MAGI1: variants seen among roughly 807,000 people sequenced by gnomAD.
MAGI1 encodes membrane associated guanylate kinase, WW and PDZ domain containing 1.
Under a neutral mutation model 139.9 loss-of-function variants are expected in MAGI1, and 58 were observed. The observed-to-expected ratio is 0.41, with a 90% CI of 0.34 to 0.52. The LOEUF (loss-of-function observed/expected upper bound fraction) is 0.52. Ranked by LOEUF, MAGI1 falls within the 20% of genes least tolerant of loss-of-function variation. The pLI is 0.12. For missense variants in MAGI1, 1,874 were observed against 1,901.6 expected, an observed-to-expected ratio of 0.99 and a Z score of 0.27; for synonymous variants, 812 against 737.9, an observed-to-expected ratio of 1.10 and a Z score of -1.63.
intron 1 of MAGI1, among the ~76,000 whole-genome samples, chr3:65,639,728 T>C (rs2084874615): frequency 1.3e-5 from 2 of 151,928 alleles, no homozygotes; most frequent in Admixed American, 6.6e-5. Flanking sequence ...TCCAGCCAGG[T>C]GCGGTGGCTC....
intron 1 of MAGI1, among the ~76,000 whole-genome samples, chr3:65,800,103 T>C (rs1374713102): frequency 1.3e-5 from 2 of 152,208 alleles, no homozygotes; most frequent in African/African-American, 2.4e-5. Flanking sequence ...AGTTTCCTCA[T>C]CCATAAATGG....
At chr3:65,937,152 C>A (rs1277497166) in intron 1 of MAGI1, among the ~76,000 whole-genome samples, 1 of 152,162 alleles carries the variant, frequency 6.6e-6, no homozygotes, top group African/African-American at 2.4e-5. Context: ...TAGCAATAGA[C>A]AAGGAGGCCT....
chr3:65,604,826 G>T (rs756801703), intron 2 of MAGI1, among the ~76,000 whole-genome samples: 1 of 151,912 alleles, frequency 6.6e-6, no homozygotes, highest in Non-Finnish European at 1.5e-5. Context: ...TCCTATGACT[G>T]TAAATTTCAA....
intron 12 of MAGI1, among the ~76,000 whole-genome samples, chr3:65,424,006 A>C (rs2107296799): frequency 6.6e-6 from 1 of 152,340 alleles, no homozygotes; most frequent in Admixed American, 6.5e-5. Context: ...CACTGCCTTC[A>C]TTTCACAAGG....
chr3:65,400,241 C>A (rs1001126743), intron 13 of MAGI1, among the ~76,000 whole-genome samples: 10 of 152,192 alleles, frequency 6.6e-5, no homozygotes, highest in African/African-American at 2.4e-4. Context: ...GCCCTGAAGT[C>A]AAAGTTCCAA....
intron 1 of MAGI1, among the ~76,000 whole-genome samples, chr3:65,863,975 T>C (rs945176238): frequency 6.6e-6 from 1 of 152,144 alleles, no homozygotes; most frequent in African/African-American, 2.4e-5. Flanking sequence ...GTATAATTAA[T>C]TGATTATTGT....
At chr3:65,566,606 G>T (rs982198789) in intron 2 of MAGI1, among the ~76,000 whole-genome samples, 1 of 151,772 alleles carries the variant, frequency 6.6e-6, no homozygotes, top group African/African-American at 2.4e-5. Flanking sequence ...TCCCAAGTCC[G>T]TGTTACTGGG....
chr3:65,772,455 C>A (rs758963121), intron 1 of MAGI1, among the ~76,000 whole-genome samples: 12 of 152,120 alleles, frequency 7.9e-5, no homozygotes, highest in Admixed American at 4.6e-4. Context: ...CTGGGATGGC[C>A]AATCACCACC....
At chr3:65,674,315 C>G (rs1449640532) in intron 1 of MAGI1, among the ~76,000 whole-genome samples, 2 of 152,130 alleles carry the variant, frequency 1.3e-5, no homozygotes, top group Non-Finnish European at 2.9e-5. Context: ...AGCATGAGAC[C>G]TTTGGTTAAG....
At chr3:65,562,487 T>A (rs749512250) in intron 2 of MAGI1, among the ~76,000 whole-genome samples, 1 of 152,184 alleles carries the variant, frequency 6.6e-6, no homozygotes, top group Non-Finnish European at 1.5e-5. Flanking sequence ...CTTTGTTGTG[T>A]TTTTTGTTTT....
intron 14 of MAGI1, among the ~76,000 whole-genome samples, chr3:65,388,780 T>G (rs1943653421): frequency 6.6e-6 from 1 of 150,588 alleles, no homozygotes; most frequent in South Asian, 2.1e-4. Flanking sequence ...TGCTGCTCTA[T>G]CCGATTCCTT....
chr3:65,964,307 G>A (rs1189224151), intron 1 of MAGI1, among the ~76,000 whole-genome samples: 1 of 152,118 alleles, frequency 6.6e-6, no homozygotes, highest in Non-Finnish European at 1.5e-5. Flanking sequence ...AACTGTGGGA[G>A]TATCACCTCC....
chr3:65,554,234 T>C (rs182224354), intron 2 of MAGI1, among the ~76,000 whole-genome samples: 391 of 152,306 alleles, frequency 2.6e-3, no homozygotes, highest in African/African-American at 8.4e-3. Flanking sequence ...CTATGTGATA[T>C]AGAGTCATGC....
At chr3:65,841,651 C>T (rs1007134093) in intron 1 of MAGI1, among the ~76,000 whole-genome samples, 5 of 152,054 alleles carry the variant, frequency 3.3e-5, no homozygotes, top group Admixed American at 3.3e-4. Flanking sequence ...TGATCTTGAA[C>T]TCCTGACCTC....
chr3:65,419,310 T>G (rs543488550), intron 12 of MAGI1, among the ~76,000 whole-genome samples: 46 of 151,988 alleles, frequency 3.0e-4, no homozygotes, highest in Middle Eastern at 6.8e-3. Context: ...TGTGTATGCA[T>G]GTATGCATGC....
chr3:65,994,077 C>A (rs2066314353), intron 1 of MAGI1, among the ~76,000 whole-genome samples: 1 of 151,994 alleles, frequency 6.6e-6, no homozygotes, highest in Admixed American at 6.6e-5. Context: ...AGTTCGAGAC[C>A]AGCCTGGCCA....
At chr3:65,366,711 A>G (rs753554944) in intron 18 of MAGI1, among the ~76,000 whole-genome samples, 1 of 152,214 alleles carries the variant, frequency 6.6e-6, no homozygotes, top group Non-Finnish European at 1.5e-5. Flanking sequence ...ATCTAAGGAA[A>G]TTGGGGCAAA....
At chr3:66,035,466 A>T (rs28633636) in intron 1 of MAGI1, among the ~76,000 whole-genome samples, 2,303 of 152,314 alleles carry the variant, frequency 0.015, 69 homozygotes, top group African/African-American at 0.052. Flanking sequence ...CAATTCTGTC[A>T]TACAATCTAA....
intron 1 of MAGI1, among the ~76,000 whole-genome samples, chr3:65,701,866 C>T (rs2089636777): frequency 6.6e-6 from 1 of 152,298 alleles, no homozygotes; most frequent in Admixed American, 6.5e-5. Context: ...GAAATGGCTG[C>T]ACTGGTAGCC....
Sources: gnomAD v4.1 joint callset for allele counts (sites outside exome capture counted in the v4.1 genomes callset) on GRCh38, gnomAD v4.1.1 for gene constraint, MANE v1.5 for transcripts, NCBI Gene and HGNC (gene_info 2026-07-23, HGNC 2026-07-21) for gene names.